Variants in SLC6A18 observed in about 807,000 individuals in gnomAD.
SLC6A18 encodes the protein inactive sodium-dependent neutral amino acid transporter B(0)AT3.
SLC6A18 carries 58 observed loss-of-function variants against 62.9 expected under a neutral mutation model. The observed-to-expected ratio is 0.92, with a 90% confidence interval of 0.75 to 1.15. SLC6A18 has a LOEUF of 1.15. Ranked by LOEUF, SLC6A18 falls within the 50% of genes most tolerant of loss-of-function variation. The pLI, the probability that SLC6A18 is intolerant of heterozygous loss-of-function variation, is 0.00. For missense variants in SLC6A18, 793 were observed against 836.6 expected, an observed-to-expected ratio of 0.95 and a Z score of 0.64; for synonymous variants, 382 against 365.8, an observed-to-expected ratio of 1.04 and a Z score of -0.51.
chr5:1,234,649 G>A (rs1746838432), intron 3 of SLC6A18, among the ~76,000 whole-genome samples: 1 of 152,250 alleles, frequency 6.6e-6, no homozygotes, highest in Non-Finnish European at 1.5e-5. Context: ...AAGCTCCACT[G>A]AAGGAAAATT....
intron 5 of SLC6A18, 95 bp downstream of exon 5, chr5:1,238,155 C>A: frequency 3.1e-6 from 3 of 968,908 alleles, no homozygotes; most frequent in Non-Finnish European, 3.2e-6. Context: ...GCGTGAGAGG[C>A]CAGGAGCCAC....
In SLC6A18 at chr5:1,244,703, T is replaced by C. The variant is rs1579535478; in HGVS notation, c.1592T>C (p.Phe531Ser). 2 of 1,613,274 alleles carry C rather than the reference T, an allele frequency of 1.2e-6. No individual in the cohort carries two copies. Among genetic ancestry groups the C allele is most frequent in the Non-Finnish European group, 1.7e-6 (2 of 1,179,286 alleles). ...GTCAGTCCCCTGCTGCTGACCATCT[T>C]TGTGGCTTACATCATCCTCCTGTTC... is the stretch of plus-strand genomic sequence containing the variant. ...RVVSPLLLTI[F>S]VAYIILLFWK... The change falls in exon 11 of 12, where the codon TTT becomes TCT. Residue 531 changes from phenylalanine (F) to serine (S), a missense_variant. Coordinates refer to ENST00000324642, the MANE Select transcript of SLC6A18 (RefSeq NM_182632.3).
chr5:1,228,828 T>C (rs1464836600), intron 1 of SLC6A18, among the ~76,000 whole-genome samples: 6 of 152,232 alleles, frequency 3.9e-5, no homozygotes, highest in Non-Finnish European at 8.8e-5. Context: ...GCCATGACTG[T>C]GCCACTGTAC....
intron 3 of SLC6A18, 135 bp from the exon 4 acceptor site, chr5:1,235,346 C>T: frequency 2.6e-6 from 2 of 771,030 alleles, no homozygotes; most frequent in Non-Finnish European, 4.2e-6. Flanking sequence ...CAGCCCTGGG[C>T]CCAAAAAGAA....
rs116552509 is a variant in SLC6A18 at position 1,234,677 on chromosome 5, G to A, written c.440-804G>A. ...GGAAAATTTCCGAAGAAAAGGGCCCGGAGGGGCCAGCTCTGCCCATGCCCT... is the reference window on the plus strand; with the variant it reads ...GGAAAATTTCCGAAGAAAAGGGCCCAGAGGGGCCAGCTCTGCCCATGCCCT... On this transcript the variant is annotated intron_variant, in intron 3 of 11. Transcript: ENST00000324642. 8.6e-3 allele frequency among the ~76,000 whole-genome samples: 1,310 copies of A among 152,340 alleles called. 15 individuals are homozygous for A. The highest frequency in any genetic ancestry group is 0.025 in the African/African-American group (1,040 of 41,586).
In SLC6A18 at chr5:1,238,272, C is replaced by T. The variant is rs866872897; in HGVS notation, c.732+212C>T. Among the ~76,000 whole-genome samples the T allele has an allele frequency of 3.8e-4, 27 of 70,238 alleles. 2 individuals are homozygous for T. The highest frequency in any genetic ancestry group is 2.3e-3 in the African/African-American group (18 of 7,740). The allele number at this position is 70,238 out of a possible 152,430, so 46.1% of individuals were successfully genotyped here. A position where few individuals can be genotyped will look rare whatever the true frequency, so the allele number is the denominator to read the frequency against. On this transcript the variant is annotated intron_variant, in intron 5 of 11. Coordinates refer to ENST00000324642, the MANE Select transcript of SLC6A18 (RefSeq NM_182632.3). ...CAGGTTTGGAGTGAGCCTGGGGCCT[C>T]AGGAAAGAGGTCAGGTTTGGAGTGG...
chr5:1,242,658 G>A (rs1020366404), intron 7 of SLC6A18, 49 bp from the exon 8 acceptor site: 18 of 1,555,644 alleles, frequency 1.2e-5, no homozygotes, highest in Non-Finnish European at 1.5e-5. Flanking sequence ...TTCTCTGGAT[G>A]TGTTTGGGAA....
At position 1,244,715 on chromosome 5, in the gene SLC6A18, T is replaced by C; in HGVS notation, c.1604T>C (p.Ile535Thr). ...PLLLTIFVAY[I>T]ILLFWKPLRY... is the part of the protein sequence containing the mutation. ...CTGCTGACCATCTTTGTGGCTTACA[T>C]CATCCTCCTGTTCTGGAAGCCACTG... Residue 535 changes from isoleucine to threonine, a missense_variant, in exon 11 of 12, where the codon ATC becomes ACC. Transcript: ENST00000324642. The C allele has an allele frequency of 3.1e-6, 5 of 1,613,002 alleles. No homozygotes were observed. Among genetic ancestry groups the C allele is most frequent in the Admixed American group, 1.7e-5 (1 of 59,996 alleles).
rs985479163 is a variant in SLC6A18 at position 1,232,639 on chromosome 5, G to A, written c.302-112G>A. On this transcript the variant is annotated intron_variant, in intron 2 of 11. Coordinates refer to ENST00000324642, the MANE Select transcript of SLC6A18 (RefSeq NM_182632.3). ...TGAGGGAGGCCTGGCTTTCAGCTGC[G>A]CCCTTCAGCATGTGTTATTTTATGT... 36 of 1,450,712 alleles carry A rather than the reference G, an allele frequency of 2.5e-5. No homozygotes were observed. In the Admixed American group the frequency reaches 3.3e-4, roughly 13 times the overall value. The allele number at this position is 1,450,712 out of a possible 1,614,324, so 89.9% of individuals were successfully genotyped here.
chr5:1,228,003 C>A (rs911600294), intron 1 of SLC6A18, among the ~76,000 whole-genome samples: 1 of 152,224 alleles, frequency 6.6e-6, no homozygotes, highest in African/African-American at 2.4e-5. Context: ...CGGTGTTCAA[C>A]CGACTTCTGT....
At chr5:1,244,539 C>T (rs945693041) in intron 10 of SLC6A18, 69 bp from the exon 11 acceptor site, 28 of 1,548,516 alleles carry the variant, frequency 1.8e-5, no homozygotes, top group South Asian at 7.3e-5. Context: ...AGTTAGGGTC[C>T]GATCCTCGGC....
chr5:1,233,957 G>A lies in SLC6A18; in HGVS notation c.439+1069G>A, dbSNP rs181059453. On this transcript the variant is annotated intron_variant, in intron 3 of 11. Coordinates refer to ENST00000324642, the MANE Select transcript of SLC6A18 (RefSeq NM_182632.3). ...GGGGTTTCACCATGTTAGCCAGGATGGTCTCGATCTCCTGACCTCGTGATC... is the reference window on the plus strand; with the variant it reads ...GGGGTTTCACCATGTTAGCCAGGATAGTCTCGATCTCCTGACCTCGTGATC... Among the ~76,000 whole-genome samples, 892 of 152,210 alleles carry A rather than the reference G, an allele frequency of 5.9e-3. 3 individuals carry two copies. The highest frequency in any genetic ancestry group is 0.011 in the African/African-American group (477 of 41,530).
At chr5:1,242,981 C>A in intron 8 of SLC6A18, 118 bp downstream of exon 8, 1 of 1,221,046 alleles carries the variant, frequency 8.2e-7, no homozygotes, top group Non-Finnish European at 1.1e-6. Flanking sequence ...AGGGCCAGGG[C>A]CTGTGAACCA....
intron 1 of SLC6A18, among the ~76,000 whole-genome samples, chr5:1,228,495 G>T (rs902639101): frequency 6.6e-6 from 1 of 152,190 alleles, no homozygotes; most frequent in Non-Finnish European, 1.5e-5. Flanking sequence ...GCTGCACTGC[G>T]GCCTCTGCAT....
chr5:1,245,744 G>T, intron 11 of SLC6A18, 104 bp from the exon 12 acceptor site: 1 of 1,239,686 alleles, frequency 8.1e-7, no homozygotes, highest in Non-Finnish European at 1.1e-6. Flanking sequence ...TCCCATCCAA[G>T]TCCGGGTGGG....
rs780123930 is a variant in SLC6A18 at position 1,245,844 on chromosome 5, G to A, written c.1657-4G>A. ...CGCCAGCTAATGAGGCTGTGGTCCC[G>A]CAGGAGCTGTTCCCCTCGCGTCAGG... On this transcript the variant is annotated splice_polypyrimidine_tract_variant and splice_region_variant and intron_variant, in intron 11 of 11. Coordinates refer to ENST00000324642, the MANE Select transcript of SLC6A18 (RefSeq NM_182632.3). 6.2e-7 allele frequency: 1 copy of A among 1,604,374 alleles called. No individual in the cohort carries two copies. The highest frequency in any genetic ancestry group is 8.5e-7 in the Non-Finnish European group (1 of 1,176,650).
At position 1,238,025 on chromosome 5, in the gene SLC6A18, G is replaced by A. The variant is rs769939884; in HGVS notation, c.697G>A (p.Ala233Thr). 1.2e-6 allele frequency: 2 copies of A among 1,614,096 alleles called. No individual in the cohort carries two copies. The highest frequency in any genetic ancestry group is 2.2e-5 in the East Asian group (1 of 44,898). ...CATCAGAGGGCTGACCCTGCCAGGG[G>A]CAACAAAAGGACTCATCTACTTGTT... Reference protein sequence around the residue: ...FLIRGLTLPGATKGLIYLFTP... With the variant: ...FLIRGLTLPGTTKGLIYLFTP... Residue 233 changes from alanine to threonine, a missense_variant, in exon 5 of 12, where the codon GCA (alanine) becomes ACA (threonine). By Grantham distance (58) the Ala-to-Thr change is moderately conservative (BLOSUM62 0). Coordinates refer to ENST00000324642, the MANE Select transcript of SLC6A18 (RefSeq NM_182632.3).
At chr5:1,239,405 T>G in intron 5 of SLC6A18, 45 bp from the exon 6 acceptor site, 2 of 1,437,122 alleles carry the variant, frequency 1.4e-6, no homozygotes, top group Non-Finnish European at 2.0e-6. Flanking sequence ...CACCAGCTCA[T>G]GTGGTTTGCC....
intron 1 of SLC6A18, among the ~76,000 whole-genome samples, chr5:1,229,948 A>C: frequency 8.0e-6 from 1 of 124,750 alleles, no homozygotes. Flanking sequence ...AGGGGAGGGA[A>C]GAAGGGCTGT....
Sources: allele counts gnomAD v4.1 joint callset (sites outside exome capture counted in the v4.1 genomes callset), GRCh38; gene constraint gnomAD v4.1.1; transcripts MANE v1.5; gene names NCBI Gene and HGNC (gene_info 2026-07-23, HGNC 2026-07-21).